The following CALN1 variants were observed in gnomAD, a reference collection of about 807,000 sequenced individuals.
CALN1 encodes calcium-binding protein 8.
In CALN1, 17 loss-of-function variants were observed where a neutral mutation model predicts 30.6. The ratio of observed to expected loss-of-function variants is 0.56; its 90% CI spans 0.38 to 0.83. CALN1 has a LOEUF of 0.83. CALN1 is among the 40% of genes least tolerant of loss of function. The probability of loss-of-function intolerance (pLI) is 0.00; values close to 1 mark genes in which losing one functional copy is unlikely to be tolerated. For missense variants in CALN1, 291 were observed against 354.9 expected, an observed-to-expected ratio of 0.82 and a Z score of 1.45; for synonymous variants, 156 against 131.4, an observed-to-expected ratio of 1.19 and a Z score of -1.28.
intron 4 of CALN1, among the ~76,000 whole-genome samples, chr7:72,025,481 CAATG>C (rs1800997182): frequency 1.3e-5 from 2 of 152,310 alleles, no homozygotes; most frequent in East Asian, 1.9e-4. Context: ...TGTACTTGTA[CAATG>C]AATGAATGAT....
intron 3 of CALN1, among the ~76,000 whole-genome samples, chr7:72,275,775 G>A (rs1420494852): frequency 6.6e-6 from 1 of 152,266 alleles, no homozygotes; most frequent in African/African-American, 2.4e-5. Context: ...GCATTTCAGT[G>A]CTTCTCAAGC....
rs185313744 is a variant in CALN1, at chr7:72,040,888, A to C, written c.389-17119T>G. On this transcript the variant is annotated intron_variant, in intron 4 of 6. Coordinates refer to ENST00000395275, the MANE Select transcript of CALN1 (RefSeq NM_031468.4). ...GGCTTTCAGCCTTCAGAACTACAAA[A>C]AAATAAACAAATTTCTGCTGATGAA... Among the ~76,000 whole-genome samples the C allele has an allele frequency of 3.8e-3, 584 of 152,278 alleles. 3 individuals carry two copies. Among genetic ancestry groups the C allele is most frequent in the South Asian group, 1.0e-2 (48 of 4,814 alleles).
chr7:72,221,312 C>CTTTTTTT (rs1174615183), intron 3 of CALN1, among the ~76,000 whole-genome samples: 2 of 88,966 alleles, frequency 2.2e-5, no homozygotes, highest in African/African-American at 4.2e-5. Flanking sequence ...GTCTTGGCTT[C>CTTTTTTT]TTTTTTTTTT....
intron 3 of CALN1, among the ~76,000 whole-genome samples, chr7:72,143,274 C>A (rs1810089369): frequency 6.6e-6 from 1 of 152,128 alleles, no homozygotes; most frequent in Non-Finnish European, 1.5e-5. Context: ...GCAGAGAAGT[C>A]CTTAAAGGAC....
intron 5 of CALN1, among the ~76,000 whole-genome samples, chr7:71,945,163 C>A (rs1796342708): frequency 6.7e-6 from 1 of 149,982 alleles, no homozygotes; most frequent in Non-Finnish European, 1.5e-5. Context: ...ATGTGATGTA[C>A]CTGCTCCCCC....
chr7:72,427,682 T>C lies in CALN1; in HGVS notation c.-225-15407A>G, dbSNP rs182469539. ...TTATTTTTATTTTTATTTTTATTTT[T>C]TTGTAGAGACAGAGTCTTGAACTCC... is the stretch of plus-strand genomic sequence containing the variant. On this transcript the variant is annotated intron_variant, in intron 1 of 6. Coordinates refer to the CALN1 transcript ENST00000395276. 2.3e-3 allele frequency among the ~76,000 whole-genome samples: 342 copies of C among 151,824 alleles called. 1 individual carries two copies. The highest frequency in any genetic ancestry group is 8.1e-3 in the African/African-American group (335 of 41,376).
At chr7:71,914,034 T>G (rs1794564169) in intron 5 of CALN1, among the ~76,000 whole-genome samples, 1 of 152,194 alleles carries the variant, frequency 6.6e-6, no homozygotes. Context: ...TTCACACCAT[T>G]TCTCCAAAAG....
chr7:72,383,467 T>G (rs1377856886), intron 2 of CALN1, among the ~76,000 whole-genome samples: 1 of 152,202 alleles, frequency 6.6e-6, no homozygotes, highest in African/African-American at 2.4e-5. Context: ...TATCTCATTA[T>G]GGTTTTGATT....
At chr7:72,389,232 GAGA>G (rs906857002) in intron 2 of CALN1, among the ~76,000 whole-genome samples, 2 of 152,218 alleles carry the variant, frequency 1.3e-5, no homozygotes. Context: ...CAATCCCAGA[GAGA>G]AGGATGCAGG....
intron 5 of CALN1, among the ~76,000 whole-genome samples, chr7:71,851,222 C>CACACAG (rs1312746187): frequency 6.8e-6 from 1 of 148,068 alleles, no homozygotes; most frequent in African/African-American, 2.6e-5. Context: ...CACACACACA[C>CACACAG]ACACACACAC....
intron 5 of CALN1, among the ~76,000 whole-genome samples, chr7:71,871,422 C>T (rs1474111088): frequency 2.6e-5 from 4 of 152,162 alleles, no homozygotes; most frequent in African/African-American, 7.2e-5. Flanking sequence ...TGCACCCACA[C>T]AGCTGAATGT....
chr7:71,869,500 C>A (rs780552861), intron 5 of CALN1, among the ~76,000 whole-genome samples: 1 of 152,180 alleles, frequency 6.6e-6, no homozygotes, highest in Non-Finnish European at 1.5e-5. Flanking sequence ...GCTTGAGCCA[C>A]CGTGCCTGGC....
At chr7:72,191,293 GA>G (rs2129546817) in intron 3 of CALN1, among the ~76,000 whole-genome samples, 1 of 152,220 alleles carries the variant, frequency 6.6e-6, no homozygotes, top group African/African-American at 2.4e-5. Context: ...TGTGTAAGAG[GA>G]AGGAGAAATG....
rs190872390 is a variant in CALN1, at chr7:72,191,290, G to C, written c.245-84996C>G. 2.7e-3 allele frequency among the ~76,000 whole-genome samples: 406 copies of C among 152,278 alleles called. 7 individuals are homozygous for C. Among genetic ancestry groups the C allele is most frequent in the Admixed American group, 0.016 (242 of 15,284 alleles). ...TAGGCGGAAGCTACAGACTGTGTAA[G>C]AGGAAGGAGAAATGAAGGATGGCAG... On this transcript the variant is annotated intron_variant, in intron 3 of 6. Coordinates refer to ENST00000395275, the MANE Select transcript of CALN1 (RefSeq NM_031468.4).
chr7:71,994,902 G>C (rs1019384896), intron 5 of CALN1, among the ~76,000 whole-genome samples: 2 of 150,638 alleles, frequency 1.3e-5, no homozygotes, highest in Non-Finnish European at 2.9e-5. Context: ...CCCCAGGCTG[G>C]AGTGCAGTGG....
At chr7:72,198,455 A>C (rs1489164814) in intron 3 of CALN1, among the ~76,000 whole-genome samples, 1 of 152,174 alleles carries the variant, frequency 6.6e-6, no homozygotes, top group Admixed American at 6.5e-5. Flanking sequence ...TCCTAAAATC[A>C]TGTGCAATTT....
intron 4 of CALN1, 23 bp from the exon 5 acceptor site, chr7:72,023,792 T>C (rs748776155): frequency 1.3e-6 from 2 of 1,591,708 alleles, no homozygotes; most frequent in Admixed American, 3.3e-5. Context: ...GATGTAAATA[T>C]GAGTTGCAAA....
intron 5 of CALN1, among the ~76,000 whole-genome samples, chr7:71,837,468 C>G (rs1185002721): frequency 2.0e-5 from 3 of 152,104 alleles, no homozygotes; most frequent in African/African-American, 4.8e-5. Context: ...TTGGATACAA[C>G]AGAGAGATTC....
At chr7:72,406,109 A>T (rs1027594820) in intron 1 of CALN1, among the ~76,000 whole-genome samples, 1 of 152,166 alleles carries the variant, frequency 6.6e-6, no homozygotes, top group Non-Finnish European at 1.5e-5. Flanking sequence ...CCAGAGAAAC[A>T]CAAAGCCAGG....
Sources: allele counts gnomAD v4.1 joint callset (sites outside exome capture counted in the v4.1 genomes callset), GRCh38; gene constraint gnomAD v4.1.1; transcripts MANE v1.5; gene names NCBI Gene and HGNC (gene_info 2026-07-23, HGNC 2026-07-21).